Variants in CDKN2B-AS1 observed in about 807,000 individuals in gnomAD.
CDKN2B-AS1 encodes the protein CDKN2B and CDKN2A antisense cis and trans regulatory RNA 1, also known as CDKN2B antisense RNA 1 (non-protein coding).
At chr9:22,087,014 G>C (rs1486002594) in intron 4 of CDKN2B-AS1, among the ~76,000 whole-genome samples, 1 of 152,200 alleles carries the variant, frequency 6.6e-6, no homozygotes, top group African/African-American at 2.4e-5. Context: ...TCCTTGCCAA[G>C]AGAACCCCAT....
intron 1 of CDKN2B-AS1, among the ~76,000 whole-genome samples, chr9:22,008,105 A>G (rs1821286466): frequency 1.3e-5 from 2 of 152,254 alleles, no homozygotes; most frequent in Non-Finnish European, 2.9e-5. Context: ...GTGTATTTTA[A>G]CAATGAAGAT....
At position 22,091,915 on chromosome 9, in the gene CDKN2B-AS1, A is replaced by T. The variant is rs1271486623; in HGVS notation, n.439-35188A>T. On this transcript the variant is annotated intron_variant and non_coding_transcript_variant, in intron 4 of 4. Coordinates refer to ENST00000650946, the Ensembl canonical transcript of CDKN2B-AS1. ...TGTCTTGTGCCAGTTTTCAAAGGGA[A>T]TGCTTCCAGGTTTTGCCCATTCAGT... Among the ~76,000 whole-genome samples the T allele has an allele frequency of 2.0e-5, 3 of 152,294 alleles. No homozygotes were observed. The East Asian group carries it at 5.8e-4, about 29-fold the overall frequency.
intron 3 of CDKN2B-AS1, among the ~76,000 whole-genome samples, chr9:22,052,015 T>A (rs1823367460): frequency 6.6e-6 from 1 of 152,136 alleles, no homozygotes; most frequent in Non-Finnish European, 1.5e-5. Flanking sequence ...ATCATGACTG[T>A]GGTCCTCACA....
intron 3 of CDKN2B-AS1, among the ~76,000 whole-genome samples, chr9:22,053,479 T>A (rs1164186045): frequency 6.6e-6 from 1 of 152,204 alleles, no homozygotes; most frequent in Non-Finnish European, 1.5e-5. Context: ...TGGCAGATAA[T>A]TCCCAGTGAT....
chr9:22,016,384 A>T (rs1438302495), intron 1 of CDKN2B-AS1, among the ~76,000 whole-genome samples: 1 of 152,232 alleles, frequency 6.6e-6, no homozygotes, highest in Non-Finnish European at 1.5e-5. Flanking sequence ...AAGGTAATTT[A>T]TAGATTCAAT....
chr9:22,111,448 A>G (rs1825802339), intron 4 of CDKN2B-AS1, among the ~76,000 whole-genome samples: 1 of 152,184 alleles, frequency 6.6e-6, no homozygotes, highest in Non-Finnish European at 1.5e-5. Context: ...AAATCACCCA[A>G]AGCACATATT....
intron 1 of CDKN2B-AS1, among the ~76,000 whole-genome samples, chr9:22,028,988 C>T (rs1432557538): frequency 6.6e-6 from 1 of 151,816 alleles, no homozygotes. Flanking sequence ...ACTTGTTTCT[C>T]TAACTGGCTT....
chr9:22,096,748 C>A (rs368768016), intron 4 of CDKN2B-AS1, among the ~76,000 whole-genome samples: 2 of 152,096 alleles, frequency 1.3e-5, no homozygotes, highest in African/African-American at 4.8e-5. Flanking sequence ...TATTAAAATG[C>A]CCTATGTTAT....
At chr9:22,048,239 G>C (rs955482742) in intron 2 of CDKN2B-AS1, among the ~76,000 whole-genome samples, 2 of 152,144 alleles carry the variant, frequency 1.3e-5, no homozygotes, top group African/African-American at 4.8e-5. Flanking sequence ...CTCAGCAGAA[G>C]TGTGTGCCTC....
intron 4 of CDKN2B-AS1, among the ~76,000 whole-genome samples, chr9:22,083,854 G>A (rs1210566313): frequency 2.0e-5 from 3 of 152,200 alleles, no homozygotes; most frequent in Non-Finnish European, 2.9e-5. Context: ...GGTCAAGGCT[G>A]TAGATTTAGA....
At chr9:22,021,550 T>C (rs941449608) in intron 1 of CDKN2B-AS1, among the ~76,000 whole-genome samples, 4 of 152,342 alleles carry the variant, frequency 2.6e-5, no homozygotes, top group East Asian at 3.9e-4. Flanking sequence ...ATTCTTCCTA[T>C]ACATGAGCAT....
chr9:22,061,033 T>TA (rs1166147718), intron 4 of CDKN2B-AS1, among the ~76,000 whole-genome samples: 1 of 152,146 alleles, frequency 6.6e-6, no homozygotes, highest in Non-Finnish European at 1.5e-5. Flanking sequence ...CAAGTTTTTT[T>TA]AAAAAAACAA....
At chr9:22,029,162 A>T (rs1045033863) in intron 1 of CDKN2B-AS1, among the ~76,000 whole-genome samples, 1 of 152,224 alleles carries the variant, frequency 6.6e-6, no homozygotes, top group African/African-American at 2.4e-5. Flanking sequence ...CTATATTTTG[A>T]TCCCCTTCCC....
At chr9:22,008,748 G>A (rs1440269017) in intron 1 of CDKN2B-AS1, 1 of 1,610,374 alleles carries the variant, frequency 6.2e-7, no homozygotes. Context: ...CCGAGGCCGC[G>A]CCCCGCGTTC....
intron 1 of CDKN2B-AS1, chr9:22,012,185 A>C: frequency 7.2e-7 from 1 of 1,388,536 alleles, no homozygotes; most frequent in South Asian, 1.2e-5. Context: ...CCTCACGGGC[A>C]AGACCATCAC....
At chr9:22,110,655 G>A (rs1825782686) in intron 4 of CDKN2B-AS1, among the ~76,000 whole-genome samples, 1 of 152,062 alleles carries the variant, frequency 6.6e-6, no homozygotes, top group African/African-American at 2.4e-5. Context: ...TTGTGTATAA[G>A]TGCGTAAACC....
chr9:22,127,189 C>G (rs2131379520), exon 5 of CDKN2B-AS1, among the ~76,000 whole-genome samples: 1 of 152,170 alleles, frequency 6.6e-6, no homozygotes, highest in Middle Eastern at 3.4e-3. Context: ...TCAAGCGATT[C>G]TCCTGCCTCA....
rs148384420 is a variant in CDKN2B-AS1 at position 21,996,974 on chromosome 9, T to TTG, written n.29+1824_29+1825dup. Among the ~76,000 whole-genome samples the TTG allele has an allele frequency of 7.9e-5, 12 of 152,162 alleles. No homozygotes were observed. In the South Asian group the frequency reaches 1.7e-3, roughly 21 times the overall value. ...CAGTTCTCCAGGGAAACAGAACCCA[T>TTG]TGTGTGTGTGTGCGTGCCAGTACCA... On this transcript the variant is annotated intron_variant and non_coding_transcript_variant, in intron 1 of 4. Transcript: ENST00000650946. The surrounding 1 kb of genome is among the most constrained non-coding windows in gnomAD (Gnocchi z 5.4).
Position 22,051,673 on chromosome 9 carries a change from A to G in CDKN2B-AS1, n.302+2445A>G, listed in dbSNP as rs190705173. ...TTCATATAGGAACTATGAAAGCTGT[A>G]TGTAGTAAACACTACTTAAGAAGGC... On this transcript the variant is annotated intron_variant and non_coding_transcript_variant, in intron 3 of 4. Coordinates refer to ENST00000650946, the Ensembl canonical transcript of CDKN2B-AS1. Among the ~76,000 whole-genome samples, 391 of 152,288 alleles carry G rather than the reference A, an allele frequency of 2.6e-3. 3 individuals are homozygous for G. Among genetic ancestry groups the G allele is most frequent in the African/African-American group, 9.0e-3 (374 of 41,564 alleles).
Sources: allele counts gnomAD v4.1 joint callset (sites outside exome capture counted in the v4.1 genomes callset), GRCh38; gene constraint gnomAD v4.1.1; non-coding constraint Gnocchi (gnomAD v3.1); transcripts MANE v1.5; gene names NCBI Gene and HGNC (gene_info 2026-07-23, HGNC 2026-07-21).